The following PCDHA5 variants were observed in gnomAD, a reference collection of about 807,000 sequenced individuals.
PCDHA5 encodes protocadherin alpha-5.
A neutral mutation model predicts 61.6 loss-of-function variants in PCDHA5; 43 were observed. The observed-to-expected ratio is 0.70, with a 90% CI of 0.55 to 0.90. The LOEUF is 0.90. Among genes scored for constraint, PCDHA5 ranks in the 40% least tolerant of loss-of-function variants. The pLI, the probability that PCDHA5 is intolerant of heterozygous loss-of-function variation, is 0.00. For missense variants in PCDHA5, 1,298 were observed against 1,222.7 expected, an observed-to-expected ratio of 1.06 and a Z score of -0.92; for synonymous variants, 627 against 543.9, an observed-to-expected ratio of 1.15 and a Z score of -2.13.
intron 1 of PCDHA5, among the ~76,000 whole-genome samples, chr5:140,950,920 T>TTTCTGCTACTTTTAACTG (rs1554219690): frequency 2.6e-5 from 4 of 152,202 alleles, no homozygotes; most frequent in African/African-American, 9.6e-5. Context: ...TTATTTCAGT[T>TTTCTGCTACTTTTAACTG]CTTTTTCTTT....
intron 1 of PCDHA5, among the ~76,000 whole-genome samples, chr5:140,918,678 A>G (rs2078806155): frequency 6.6e-6 from 1 of 152,098 alleles, no homozygotes; most frequent in South Asian, 2.1e-4. Context: ...AAGAGGTGAG[A>G]CCTTTCAAAC....
At chr5:140,842,662 C>A in intron 1 of PCDHA5, 1 of 1,595,426 alleles carries the variant, frequency 6.3e-7, no homozygotes, top group East Asian at 2.2e-5. Context: ...AGGTGGCCGA[C>A]GTGAACGACA....
At chr5:140,953,580 A>G (rs1053710021) in intron 1 of PCDHA5, among the ~76,000 whole-genome samples, 23 of 151,934 alleles carry the variant, frequency 1.5e-4, no homozygotes, top group Non-Finnish European at 2.4e-4. Context: ...CTCTCCCAAA[A>G]CTGCCTCCTT....
At chr5:140,869,811 C>T (rs1554163508) in intron 1 of PCDHA5, 10 of 1,612,246 alleles carry the variant, frequency 6.2e-6, no homozygotes, top group African/African-American at 2.7e-5. Context: ...TGGATGTCAA[C>T]GACAATGATC....
intron 1 of PCDHA5, chr5:140,884,824 T>C: frequency 1.0e-6 from 1 of 993,590 alleles, no homozygotes; most frequent in Non-Finnish European, 1.4e-6. Context: ...ACATTATGTG[T>C]TGGATTATCC....
chr5:140,836,281 C>A, intron 1 of PCDHA5: 2 of 1,613,732 alleles, frequency 1.2e-6, no homozygotes, highest in Non-Finnish European at 1.7e-6. Flanking sequence ...GAGATCAGCA[C>A]GACACGAGCC....
intron 1 of PCDHA5, chr5:140,841,240 A>C: frequency 6.7e-7 from 1 of 1,487,570 alleles, no homozygotes; most frequent in South Asian, 1.4e-5. Flanking sequence ...GATGCAGCGG[A>C]ATTGGATTAA....
rs1380751702 is a variant in PCDHA5 at position 140,855,145 on chromosome 5, A to C, written c.2352+31018A>C. On this transcript the variant is annotated intron_variant, in intron 1 of 3. Transcript: ENST00000529859. Reference sequence around the variant, plus strand: ...AGGTAATAATTTTGCCTGATGAGCCAAATTTGGTATTGAGCCTCATGAAAA... The same window carrying C: ...AGGTAATAATTTTGCCTGATGAGCCCAATTTGGTATTGAGCCTCATGAAAA... Among the ~76,000 whole-genome samples, 3 of 149,972 alleles carry C rather than the reference A, an allele frequency of 2.0e-5. 1 individual carries two copies. The East Asian group carries it at 5.8e-4, about 29-fold the overall frequency.
intron 1 of PCDHA5, chr5:140,830,044 G>T: frequency 6.2e-7 from 1 of 1,613,812 alleles, no homozygotes; most frequent in Non-Finnish European, 8.5e-7. Context: ...TGGTGCTGGT[G>T]AAAGACCACG....
chr5:140,857,925 A>T (rs1291686886), intron 1 of PCDHA5: 2 of 1,597,686 alleles, frequency 1.3e-6, no homozygotes, highest in Non-Finnish European at 1.7e-6. Flanking sequence ...GTGGGGCTGT[A>T]CACGGGCGAG....
intron 1 of PCDHA5, chr5:140,877,005 C>A (rs1433546348): frequency 6.2e-7 from 1 of 1,612,356 alleles, no homozygotes; most frequent in African/African-American, 1.3e-5. Flanking sequence ...TGTCGGTGCA[C>A]GCGGAGAGCG....
In PCDHA5 at chr5:140,876,482, T is replaced by G. The variant is rs372044061; in HGVS notation, c.2352+52355T>G. The G allele has an allele frequency of 1.8e-4, 291 of 1,613,904 alleles. No individual in the cohort carries two copies. The highest frequency in any genetic ancestry group is 2.4e-4 in the Non-Finnish European group (285 of 1,179,894). On this transcript the variant is annotated intron_variant, in intron 1 of 3. Transcript: ENST00000529859. The stretch of plus-strand genomic sequence containing the variant: ...TCCATGGCAGGTCACAGCATGGTCC[T>G]GGTGGAAGTTCTGGACGTGAATGAC...
chr5:140,924,052 A>G (rs948483906), intron 1 of PCDHA5, among the ~76,000 whole-genome samples: 1 of 152,244 alleles, frequency 6.6e-6, no homozygotes, highest in Non-Finnish European at 1.5e-5. Context: ...AGTTCGGTAC[A>G]TCTTTACAGT....
At chr5:140,998,721 C>G (rs987484967) in intron 3 of PCDHA5, among the ~76,000 whole-genome samples, 1 of 152,084 alleles carries the variant, frequency 6.6e-6, no homozygotes, top group Non-Finnish European at 1.5e-5. Context: ...TGCACCACCA[C>G]GCTAGGCTAA....
chr5:140,999,132 T>C (rs1430473415), intron 3 of PCDHA5, among the ~76,000 whole-genome samples: 2 of 152,160 alleles, frequency 1.3e-5, no homozygotes, highest in Non-Finnish European at 2.9e-5. Flanking sequence ...CTGGAAAATG[T>C]CACAGCCGGA....
chr5:140,836,311 C>T (rs1774359365), intron 1 of PCDHA5: 4 of 1,613,662 alleles, frequency 2.5e-6, no homozygotes, highest in Admixed American at 3.3e-5. Flanking sequence ...ACGGACGCAC[C>T]GCGCCACCGC....
intron 1 of PCDHA5, among the ~76,000 whole-genome samples, chr5:140,920,775 T>G (rs1007654952): frequency 5.4e-5 from 8 of 147,470 alleles, no homozygotes; most frequent in African/African-American, 1.8e-4. Context: ...ACCTGGGAGG[T>G]GGAGGTTGCA....
At chr5:140,940,028 G>T (rs782276273) in intron 1 of PCDHA5, among the ~76,000 whole-genome samples, 1 of 152,048 alleles carries the variant, frequency 6.6e-6, no homozygotes, top group African/African-American at 2.4e-5. Context: ...ATGTTTTAAG[G>T]CTATTTTATT....
In PCDHA5 at chr5:140,848,449, A is replaced by C. The variant is rs2150410589; in HGVS notation, c.2352+24322A>C. The C allele has an allele frequency of 8.6e-6, 13 of 1,509,804 alleles. 2 individuals are homozygous for C. In the Admixed American group the frequency reaches 2.4e-4, roughly 28 times the overall value. The allele number at this position is 1,509,804 out of a possible 1,614,324, so 93.5% of individuals were successfully genotyped here. On this transcript the variant is annotated intron_variant, in intron 1 of 3. Coordinates refer to ENST00000529859, the MANE Select transcript of PCDHA5 (RefSeq NM_018908.3). ...CTGACGAAATCAGATGATTTCTTCT[A>C]ATTTGGAGGCAATTTTCACTAATTA...
Sources: allele counts gnomAD v4.1 joint callset (sites outside exome capture counted in the v4.1 genomes callset), GRCh38; gene constraint gnomAD v4.1.1; transcripts MANE v1.5; gene names NCBI Gene and HGNC (gene_info 2026-07-23, HGNC 2026-07-21).